Variants in ADGRL3 observed in about 807,000 individuals in gnomAD.
ADGRL3 encodes calcium-independent alpha-latrotoxin receptor 3.
Under a neutral mutation model 153.5 loss-of-function variants are expected in ADGRL3, and 62 were observed. That is an observed-to-expected ratio of 0.40 (90% CI 0.33 to 0.50). ADGRL3 has a LOEUF of 0.50. ADGRL3 is among the 20% of genes least tolerant of loss of function. ADGRL3 has a pLI of 0.47. For missense variants in ADGRL3, 1,641 were observed against 1,859.4 expected (o/e 0.88, Z 2.16); for synonymous variants, 710 against 672.5 (o/e 1.06, Z -0.86).
intron 6 of ADGRL3, among the ~76,000 whole-genome samples, chr4:61,681,858 T>C (rs1465249519): frequency 6.6e-6 from 1 of 152,086 alleles, no homozygotes; most frequent in Non-Finnish European, 1.5e-5. Flanking sequence ...TTAACTGATA[T>C]TTTTAATTTT....
At chr4:61,495,991 G>C (rs1157409735) in intron 2 of ADGRL3, among the ~76,000 whole-genome samples, 1 of 152,000 alleles carries the variant, frequency 6.6e-6, no homozygotes, top group African/African-American at 2.4e-5. Context: ...TGAAATTTCG[G>C]GCATAATAAT....
chr4:61,856,542 T>TCC (rs1385015361), intron 9 of ADGRL3, among the ~76,000 whole-genome samples: 1 of 127,700 alleles, frequency 7.8e-6, no homozygotes, highest in African/African-American at 2.9e-5. Flanking sequence ...TTTTCCTCCC[T>TCC]CCCTCTCTCT....
rs1202513738 is a variant in ADGRL3, at chr4:61,200,655, T to TGCGC, written c.-1342_-1339dup. Among the ~76,000 whole-genome samples the TGCGC allele has an allele frequency of 1.3e-5, 2 of 151,664 alleles. No homozygotes were observed. The highest frequency in any genetic ancestry group is 2.9e-5 in the Non-Finnish European group (2 of 67,872). ...TGCCTTGGTCCTCTTCCTACGGGTG[T>TGCGC]GCGCGCGCGCGGGTTGCACGGTTTG... is the stretch of plus-strand genomic sequence containing the variant. On this transcript the variant is annotated 5_prime_UTR_variant, in exon 1 of 27. Coordinates refer to ENST00000683033, the MANE Select transcript of ADGRL3 (RefSeq NM_001387552.1).
At chr4:61,627,412 G>A (rs905586794) in intron 5 of ADGRL3, among the ~76,000 whole-genome samples, 1 of 152,202 alleles carries the variant, frequency 6.6e-6, no homozygotes, top group African/African-American at 2.4e-5. Context: ...TCAGGAGTCC[G>A]ATGACCAACC....
rs75897870 is a variant in ADGRL3, at chr4:61,819,494, C to T, written c.1480+5605C>T. Among the ~76,000 whole-genome samples, 7 of 152,136 alleles carry T rather than the reference C, an allele frequency of 4.6e-5. No homozygotes were observed. The East Asian group carries it at 1.4e-3, about 29-fold the overall frequency. On this transcript the variant is annotated intron_variant, in intron 9 of 26. Coordinates refer to ENST00000683033, the MANE Select transcript of ADGRL3 (RefSeq NM_001387552.1). ...CTCTCTACATCTTTTTCTTTCTCTT[C>T]CTGAAGCAATTTCACCAGTCTACAT...
intron 1 of ADGRL3, among the ~76,000 whole-genome samples, chr4:61,308,634 A>G (rs1032896): frequency 0.46 from 70,643 of 151,998 alleles, 18,266 homozygotes; most frequent in East Asian, 0.71. Context: ...TCAGTAATAA[A>G]AATAAAGTCT....
At chr4:61,817,037 A>G (rs941673356) in intron 9 of ADGRL3, among the ~76,000 whole-genome samples, 5 of 152,006 alleles carry the variant, frequency 3.3e-5, no homozygotes, top group Admixed American at 3.3e-4. Flanking sequence ...TTGTGCTGAC[A>G]TCCCAGCCCC....
chr4:61,977,488 G>T (rs1228142821), intron 17 of ADGRL3, among the ~76,000 whole-genome samples: 2 of 152,164 alleles, frequency 1.3e-5, no homozygotes, highest in African/African-American at 4.8e-5. Flanking sequence ...GGAGAACAAA[G>T]CAGTTAAAGC....
intron 23 of ADGRL3, among the ~76,000 whole-genome samples, chr4:62,036,194 G>A (rs967671235): frequency 6.6e-6 from 1 of 152,112 alleles, no homozygotes; most frequent in African/African-American, 2.4e-5. Flanking sequence ...TACCAGAGCA[G>A]AGAAAGGCCT....
intron 21 of ADGRL3, among the ~76,000 whole-genome samples, chr4:62,024,283 C>T (rs1199852375): frequency 3.3e-5 from 5 of 152,014 alleles, no homozygotes; most frequent in Admixed American, 2.6e-4. Flanking sequence ...GGTGTTTTGC[C>T]TTCAAATTTG....
chr4:61,652,023 C>A (rs2150398255), intron 5 of ADGRL3, among the ~76,000 whole-genome samples: 1 of 152,078 alleles, frequency 6.6e-6, no homozygotes, highest in Admixed American at 6.5e-5. Flanking sequence ...ATTAAGTATT[C>A]ATTGTTAACA....
At chr4:62,068,009 A>G (rs568161869) in intron 25 of ADGRL3, among the ~76,000 whole-genome samples, 157 bp from the exon 26 acceptor site, 2 of 152,254 alleles carry the variant, frequency 1.3e-5, no homozygotes, top group South Asian at 2.1e-4. Context: ...ATGGTAAATC[A>G]TGTAACCCAG....
intron 1 of ADGRL3, among the ~76,000 whole-genome samples, chr4:61,342,358 A>G (rs991105041): frequency 1.8e-4 from 27 of 152,210 alleles, no homozygotes; most frequent in African/African-American, 6.3e-4. Context: ...ATAACTAATC[A>G]TAAACTACTA....
intron 1 of ADGRL3, among the ~76,000 whole-genome samples, chr4:61,360,753 A>G (rs1003554177): frequency 1.3e-5 from 2 of 152,210 alleles, no homozygotes; most frequent in East Asian, 3.8e-4. Flanking sequence ...TCTATTTGTC[A>G]TATACCACAT....
chr4:61,383,367 T>C (rs56000736), intron 2 of ADGRL3, among the ~76,000 whole-genome samples, 178 bp downstream of exon 2: 27,789 of 151,666 alleles, frequency 0.18, 2,895 homozygotes, highest in Middle Eastern at 0.35. Flanking sequence ...TTTCTTGTTA[T>C]ACATTTTCCA....
chr4:61,582,362 C>T (rs1295233206), intron 4 of ADGRL3, among the ~76,000 whole-genome samples: 2 of 151,878 alleles, frequency 1.3e-5, no homozygotes, highest in Non-Finnish European at 2.9e-5. Flanking sequence ...CTCCAGGCCC[C>T]AGTATGTGTT....
At chr4:61,818,183 G>A (rs1158974535) in intron 9 of ADGRL3, among the ~76,000 whole-genome samples, 1 of 152,098 alleles carries the variant, frequency 6.6e-6, no homozygotes, top group Non-Finnish European at 1.5e-5. Flanking sequence ...ATATAATGGG[G>A]GTAGAGGCAG....
At chr4:61,555,685 A>G (rs1003800485) in intron 4 of ADGRL3, among the ~76,000 whole-genome samples, 5 of 152,216 alleles carry the variant, frequency 3.3e-5, no homozygotes. Context: ...AGGAAAGTAA[A>G]GGAATGAGAG....
chr4:61,696,539 C>T (rs1212932344), intron 6 of ADGRL3, among the ~76,000 whole-genome samples: 4 of 151,680 alleles, frequency 2.6e-5, no homozygotes, highest in Admixed American at 2.6e-4. Context: ...TTAATTGTTA[C>T]AGATATGATA....
Sources: allele counts gnomAD v4.1 joint callset (sites outside exome capture counted in the v4.1 genomes callset), GRCh38; gene constraint gnomAD v4.1.1; transcripts MANE v1.5; gene names NCBI Gene and HGNC (gene_info 2026-07-23, HGNC 2026-07-21).